Variants in L3MBTL4 observed in about 807,000 individuals in gnomAD.
L3MBTL4 encodes L3MBTL histone methyl-lysine binding protein 4.
L3MBTL4 carries 70 observed loss-of-function variants against 84.5 expected under a neutral mutation model. The ratio of observed to expected loss-of-function variants is 0.83; its 90% CI spans 0.68 to 1.01. The LOEUF (loss-of-function observed/expected upper bound fraction) is 1.01, where lower values mean the gene tolerates loss of function less well. Ranked by LOEUF, L3MBTL4 falls within the 50% of genes least tolerant of loss-of-function variation. The pLI is 0.00. For missense variants in L3MBTL4, 715 were observed against 754.8 expected (o/e 0.95, Z 0.62); for synonymous variants, 274 against 259.8 (o/e 1.05, Z -0.52).
intron 16 of L3MBTL4, among the ~76,000 whole-genome samples, chr18:6,066,052 T>C (rs564992351): frequency 2.4e-3 from 370 of 152,244 alleles, no homozygotes; most frequent in African/African-American, 8.5e-3. Flanking sequence ...TGATAAGTTC[T>C]GTCATTATTA....
At chr18:6,204,052 C>T (rs193025897) in intron 12 of L3MBTL4, among the ~76,000 whole-genome samples, 83 of 152,306 alleles carry the variant, frequency 5.4e-4, no homozygotes, top group Middle Eastern at 6.8e-3. Flanking sequence ...GCCTGCTCCT[C>T]GGGGCCCCAG....
At chr18:5,980,086 G>T (rs1392743839) in intron 16 of L3MBTL4, among the ~76,000 whole-genome samples, 1 of 152,206 alleles carries the variant, frequency 6.6e-6, no homozygotes, top group Middle Eastern at 3.2e-3. Flanking sequence ...ACAGATGCTG[G>T]CTCCTAGGCA....
chr18:6,291,191 A>C (rs2049850655), intron 4 of L3MBTL4, among the ~76,000 whole-genome samples: 1 of 152,172 alleles, frequency 6.6e-6, no homozygotes, highest in African/African-American at 2.4e-5. Context: ...GCTGCAATTA[A>C]AATTTCCCAA....
intron 1 of L3MBTL4, among the ~76,000 whole-genome samples, chr18:6,344,832 A>C (rs2052796247): frequency 6.6e-6 from 1 of 152,048 alleles, no homozygotes; most frequent in African/African-American, 2.4e-5. Context: ...ATTAAAAAAA[A>C]ACTCTCAACA....
chr18:6,062,338 G>C (rs1418777969), intron 16 of L3MBTL4, among the ~76,000 whole-genome samples: 1 of 151,966 alleles, frequency 6.6e-6, no homozygotes, highest in African/African-American at 2.4e-5. Context: ...GAGAAGTCCA[G>C]TGTAATTCTT....
chr18:6,244,689 C>G, intron 5 of L3MBTL4, 101 bp from the exon 6 acceptor site: 4 of 783,628 alleles, frequency 5.1e-6, no homozygotes, highest in Middle Eastern at 2.4e-4. Context: ...AACAATTGAA[C>G]TCATAGAAAC....
intron 1 of L3MBTL4, among the ~76,000 whole-genome samples, chr18:6,334,715 C>T (rs1336001512): frequency 6.6e-6 from 1 of 152,100 alleles, no homozygotes; most frequent in East Asian, 1.9e-4. Context: ...CATAGCAAAT[C>T]TACCTTCTAG....
chr18:6,019,899 T>C lies in L3MBTL4; in HGVS notation c.1445-50337A>G, dbSNP rs540026100. On this transcript the variant is annotated intron_variant, in intron 16 of 18. Transcript: ENST00000317931. ...TGATAATTATTCATGTTTCTTTCTT[T>C]AAAAGTTTGTGTCCTTGAAAACAGG... is the stretch of plus-strand genomic sequence containing the variant. 2.0e-5 allele frequency among the ~76,000 whole-genome samples: 3 copies of C among 152,340 alleles called. No homozygotes were observed. The East Asian group carries it at 5.8e-4, about 29-fold the overall frequency.
chr18:6,068,476 C>T (rs1182561179), intron 16 of L3MBTL4, among the ~76,000 whole-genome samples: 2 of 152,182 alleles, frequency 1.3e-5, no homozygotes, highest in Non-Finnish European at 2.9e-5. Flanking sequence ...GGAAAGCTAT[C>T]CACCTTCCTG....
chr18:6,323,181 C>T (rs1471062578), intron 1 of L3MBTL4, among the ~76,000 whole-genome samples: 2 of 152,194 alleles, frequency 1.3e-5, no homozygotes, highest in African/African-American at 4.8e-5. Flanking sequence ...CCAATTAAAC[C>T]TCTTTTCTTA....
intron 1 of L3MBTL4, among the ~76,000 whole-genome samples, chr18:6,341,006 T>C (rs986791442): frequency 1.3e-5 from 2 of 152,030 alleles, no homozygotes; most frequent in African/African-American, 4.8e-5. Context: ...CTAAGACTTC[T>C]CCTGTAAGAA....
intron 4 of L3MBTL4, among the ~76,000 whole-genome samples, chr18:6,298,704 C>G (rs935366427): frequency 6.6e-6 from 1 of 152,142 alleles, no homozygotes; most frequent in Non-Finnish European, 1.5e-5. Context: ...GAAACCCCAT[C>G]TCTACTACAA....
At chr18:6,401,415 AC>A (rs2055506030) in intron 1 of L3MBTL4, among the ~76,000 whole-genome samples, 1 of 152,166 alleles carries the variant, frequency 6.6e-6, no homozygotes. Context: ...GTTGCTCCTT[AC>A]AGCATATTCA....
At chr18:6,234,090 T>C (rs1460507103) in intron 10 of L3MBTL4, among the ~76,000 whole-genome samples, 1 of 152,158 alleles carries the variant, frequency 6.6e-6, no homozygotes, top group Non-Finnish European at 1.5e-5. Flanking sequence ...TAATAAATGG[T>C]GCTGGGAAAA....
chr18:6,028,111 C>A (rs1018416708), intron 16 of L3MBTL4, among the ~76,000 whole-genome samples: 8 of 152,124 alleles, frequency 5.3e-5, no homozygotes, highest in African/African-American at 1.9e-4. Flanking sequence ...AGTCTTTGCC[C>A]ATGTATATGT....
At chr18:6,280,275 C>A (rs559695980) in intron 4 of L3MBTL4, among the ~76,000 whole-genome samples, 284 of 152,232 alleles carry the variant, frequency 1.9e-3, no homozygotes, top group African/African-American at 6.7e-3. Context: ...AAAATGAAAT[C>A]CCTGGAAAGT....
intron 4 of L3MBTL4, among the ~76,000 whole-genome samples, chr18:6,282,534 G>A (rs779150171): frequency 3.3e-5 from 5 of 152,180 alleles, no homozygotes; most frequent in Admixed American, 2.0e-4. Context: ...CAGCACTGTG[G>A]GAGCAGGAGG....
chr18:5,995,842 G>T (rs879713645), intron 16 of L3MBTL4, among the ~76,000 whole-genome samples: 1 of 152,136 alleles, frequency 6.6e-6, no homozygotes. Flanking sequence ...GGCTGGTAGG[G>T]AGAAGCCAAG....
At position 6,310,035 on chromosome 18, in the gene L3MBTL4, C is replaced by T. The variant is rs560390325; in HGVS notation, c.72+1519G>A. Among the ~76,000 whole-genome samples the T allele has an allele frequency of 2.6e-5, 4 of 152,280 alleles. No individual in the cohort carries two copies. The South Asian group carries it at 8.3e-4, about 32-fold the overall frequency. ...CCCTAGAGTAGCTGATTCAGAAGAT[C>T]TGGACTAGGGCCCAGGAATCTGCAT... On this transcript the variant is annotated intron_variant, in intron 3 of 18. Coordinates refer to ENST00000317931, the MANE Select transcript of L3MBTL4 (RefSeq NM_001330559.2).
Sources: gnomAD v4.1 joint callset for allele counts (sites outside exome capture counted in the v4.1 genomes callset) on GRCh38, gnomAD v4.1.1 for gene constraint, MANE v1.5 for transcripts, NCBI Gene and HGNC (gene_info 2026-07-23, HGNC 2026-07-21) for gene names.